The following DNAH11 variants were observed in gnomAD, a reference collection of about 807,000 sequenced individuals.
The protein encoded by DNAH11 is axonemal beta dynein heavy chain 11.
Under a neutral mutation model 526.0 loss-of-function variants are expected in DNAH11, and 442 were observed. The observed-to-expected ratio is 0.84, with a 90% CI of 0.78 to 0.91. The LOEUF is 0.91. Among genes scored for constraint, DNAH11 ranks in the 40% least tolerant of loss-of-function variants. The pLI, the probability that DNAH11 is intolerant of heterozygous loss-of-function variation, is 0.00. For missense variants in DNAH11, 6,989 were observed against 5,448.7 expected, an observed-to-expected ratio of 1.28 and a Z score of -8.90; for synonymous variants, 2,461 against 1,935.9, an observed-to-expected ratio of 1.27 and a Z score of -7.12.
chr7:21,758,317 C>T (rs17145274), intron 54 of DNAH11, among the ~76,000 whole-genome samples: 7,050 of 152,260 alleles, frequency 0.046, 349 homozygotes, highest in East Asian at 0.29. Context: ...GAGGTTTACC[C>T]TCTTTGAGAT....
chr7:21,858,804 A>G (rs1227926407), intron 68 of DNAH11, among the ~76,000 whole-genome samples: 1 of 152,178 alleles, frequency 6.6e-6, no homozygotes, highest in Non-Finnish European at 1.5e-5. Flanking sequence ...TGCTACGGTT[A>G]TTGTTAGAAT....
chr7:21,900,908 A>ACCAGAATG, intron 81 of DNAH11, 99 bp from the exon 82 acceptor site: 1 of 1,477,786 alleles, frequency 6.8e-7, no homozygotes, highest in Non-Finnish European at 9.0e-7. Context: ...ATATGACAAA[A>ACCAGAATG]CCAGAATGTT....
At position 21,705,495 on chromosome 7, in the gene DNAH11, C is replaced by T. The variant is rs752956143; in HGVS notation, c.6504C>T (p.His2168=). The part of the protein sequence containing the change: ...VQLEELLAVR[H]SVFVVGNAGT... ...TTGAGGAACTGTTGGCTGTGCGGCA[C>T]TCGGTCTTTGTAGTTGGAAATGCAG... Residue 2168 remains histidine, a synonymous_variant, in exon 39 of 82, where the codon CAC becomes CAT. Coordinates refer to ENST00000409508, the MANE Select transcript of DNAH11 (RefSeq NM_001277115.2). 1.2e-6 allele frequency: 2 copies of T among 1,613,702 alleles called. No homozygotes were observed. The highest frequency in any genetic ancestry group is 2.2e-5 in the East Asian group (1 of 44,874).
Position 21,590,954 on chromosome 7 carries a change from A to G in DNAH11, c.2206A>G (p.Met736Val). Residue 736 changes from methionine to valine, a missense_variant, in exon 13 of 82, where the codon ATG becomes GTG. Coordinates refer to ENST00000409508, the MANE Select transcript of DNAH11 (RefSeq NM_001277115.2). ...ATTGAGAGAAGTGAAATATCTTTTG[A>G]TGTTGAAGAAACAAGACATACCAGA... is the stretch of plus-strand genomic sequence containing the variant. ...AVLREVKYLL[M>V]LKKQDIPDSA... 1 of 1,509,550 alleles carries G rather than the reference A, an allele frequency of 6.6e-7. No homozygotes were observed. The highest frequency in any genetic ancestry group is 1.4e-5 in the African/African-American group (1 of 69,160). The allele number at this position is 1,509,550 out of a possible 1,614,324, so 93.5% of individuals were successfully genotyped here. A position where few individuals can be genotyped will look rare whatever the true frequency, so the allele number is the denominator to read the frequency against.
intron 35 of DNAH11, among the ~76,000 whole-genome samples, chr7:21,695,607 A>G (rs188885512): frequency 9.8e-5 from 15 of 152,360 alleles, no homozygotes; most frequent in African/African-American, 3.4e-4. Context: ...TGGCTTAAAG[A>G]CTTAAACATA....
rs766759197 is a variant in DNAH11 at position 21,606,543 on chromosome 7, G to T, written c.3765+1G>T. 1 of 1,602,826 alleles carries T rather than the reference G, an allele frequency of 6.2e-7. No homozygotes were observed. On this transcript the variant is annotated splice_donor_variant, in intron 19 of 81. Transcript: ENST00000409508. LOFTEE classifies it high-confidence loss of function. ...AAGGAAAAAATGTATTTTGTTTGAC[G>T]TAAGCTAGTTACCAAGTTTTTGTTT...
chr7:21,859,520 C>A (rs936367912), intron 68 of DNAH11, among the ~76,000 whole-genome samples: 1 of 152,130 alleles, frequency 6.6e-6, no homozygotes, highest in African/African-American at 2.4e-5. Flanking sequence ...ACACTTCTGG[C>A]CCCAAGCATT....
At chr7:21,748,460 G>T (rs893458787) in intron 51 of DNAH11, 120 bp from the exon 52 acceptor site, 170 of 1,162,692 alleles carry the variant, frequency 1.5e-4, no homozygotes, top group Non-Finnish European at 1.8e-4. Context: ...CTGCACTCCG[G>T]CCTGGGCAAC....
chr7:21,718,381 A>C, intron 43 of DNAH11, among the ~76,000 whole-genome samples: 1 of 152,216 alleles, frequency 6.6e-6, no homozygotes, highest in Middle Eastern at 3.2e-3. Flanking sequence ...TAATAAAACA[A>C]ATTTGTGCAA....
chr7:21,872,313 A>G (rs559390279), intron 73 of DNAH11, among the ~76,000 whole-genome samples: 10 of 152,184 alleles, frequency 6.6e-5, no homozygotes, highest in African/African-American at 1.2e-4. Context: ...CCAAGGGAAT[A>G]AAAGCCAATA....
rs538382170 is a variant in DNAH11, at chr7:21,728,545, C to T, written c.7440+2561C>T. On this transcript the variant is annotated intron_variant, in intron 45 of 81. Coordinates refer to ENST00000409508, the MANE Select transcript of DNAH11 (RefSeq NM_001277115.2). Reference sequence around the variant, plus strand: ...AAGTGCTAGGATTACAGGCATGAGCCGCCACGCCCGGCCTACCAACAGCCC... The same window carrying T: ...AAGTGCTAGGATTACAGGCATGAGCTGCCACGCCCGGCCTACCAACAGCCC... 7.4e-4 allele frequency among the ~76,000 whole-genome samples: 112 copies of T among 152,202 alleles called. 1 individual carries two copies. Among genetic ancestry groups the T allele is most frequent in the Non-Finnish European group, 1.4e-3 (94 of 68,018 alleles).
intron 18 of DNAH11, 41 bp downstream of exon 18, chr7:21,601,659 A>G: frequency 7.0e-7 from 1 of 1,422,292 alleles, no homozygotes; most frequent in East Asian, 2.4e-5. Context: ...CCATAAATTG[A>G]GCATCTCTTT....
At position 21,854,360 on chromosome 7, in the gene DNAH11, G is replaced by C. The variant is rs762297426; in HGVS notation, c.11107G>C (p.Glu3703Gln). The C allele has an allele frequency of 1.9e-4, 301 of 1,613,628 alleles. 1 individual carries two copies. The highest frequency in any genetic ancestry group is 1.6e-4 in the Middle Eastern group (1 of 6,084). The change falls in exon 68 of 82, where the codon GAA becomes CAA. Residue 3703 changes from glutamate (E) to glutamine (Q), a missense_variant. By Grantham distance (29) the Glu-to-Gln change is conservative (BLOSUM62 2). Coordinates refer to ENST00000409508, the MANE Select transcript of DNAH11 (RefSeq NM_001277115.2). Reference protein sequence around the residue: ...ENERKINEARECYRPVAARAS... With the variant: ...ENERKINEARQCYRPVAARAS... Reference sequence around the variant, plus strand: ...TGAAAGAAAAATCAACGAGGCCCGAGAATGTTACAGACCAGTGGCAGCAAG... The same window carrying C: ...TGAAAGAAAAATCAACGAGGCCCGACAATGTTACAGACCAGTGGCAGCAAG...
rs541810929 is a variant in DNAH11, at chr7:21,602,290, G to C, written c.3648+672G>C. 4.0e-4 allele frequency among the ~76,000 whole-genome samples: 61 copies of C among 152,226 alleles called. 1 individual carries two copies. Among genetic ancestry groups the C allele is most frequent in the Non-Finnish European group, 8.5e-4 (58 of 68,006 alleles). ...GGAGGTGAAGGTTGCAGTGAGCTGA[G>C]ATCACACCACTGCACTCTAGCATGG... On this transcript the variant is annotated intron_variant, in intron 18 of 81. Transcript: ENST00000409508.
At position 21,863,330 on chromosome 7, in the gene DNAH11, G is replaced by GT. The variant is rs1409052933; in HGVS notation, c.11374-1198dup. Among the ~76,000 whole-genome samples, 6 of 152,080 alleles carry GT rather than the reference G, an allele frequency of 3.9e-5. No homozygotes were observed. In the East Asian group the frequency reaches 5.8e-4, roughly 15 times the overall value. ...CAAGGCATTACACAATGAAATACTT[G>GT]TTTTTTTGTTTGTTTTGAGACGGAG... On this transcript the variant is annotated intron_variant, in intron 69 of 81. Transcript: ENST00000409508.
At position 21,901,465 on chromosome 7, in the gene DNAH11, C is replaced by G. The variant is rs376128616; in HGVS notation, c.*211C>G. 3.5e-6 allele frequency: 2 copies of G among 565,512 alleles called. No homozygotes were observed. Among genetic ancestry groups the G allele is most frequent in the Non-Finnish European group, 5.2e-6 (2 of 386,714 alleles). 35.0% of individuals were successfully genotyped at this position (565,512 alleles called of 1,614,324 possible). The stretch of plus-strand genomic sequence containing the variant: ...TGGCACACGACTGTAATCCCAGTTA[C>G]TCAGGAGGTAGGAGAATCACTTGAA... On this transcript the variant is annotated 3_prime_UTR_variant, in exon 82 of 82. Transcript: ENST00000409508.
chr7:21,639,425 G>C (rs955727660), intron 28 of DNAH11, among the ~76,000 whole-genome samples: 2 of 152,198 alleles, frequency 1.3e-5, no homozygotes, highest in African/African-American at 4.8e-5. Context: ...CTTGGAACAA[G>C]ATCATAGCTG....
intron 73 of DNAH11, among the ~76,000 whole-genome samples, chr7:21,871,218 A>G (rs1009800711): frequency 2.0e-5 from 3 of 152,230 alleles, no homozygotes; most frequent in African/African-American, 7.2e-5. Context: ...TTTATCTCAC[A>G]TGCACACCAG....
intron 54 of DNAH11, among the ~76,000 whole-genome samples, chr7:21,757,776 A>G (rs1294982549): frequency 6.6e-6 from 1 of 152,208 alleles, no homozygotes; most frequent in Non-Finnish European, 1.5e-5. Flanking sequence ...GTCAAGCACC[A>G]CTTGTATGCA....
Sources: gnomAD v4.1 joint callset for allele counts (sites outside exome capture counted in the v4.1 genomes callset) on GRCh38, gnomAD v4.1.1 for gene constraint, MANE v1.5 for transcripts, NCBI Gene and HGNC (gene_info 2026-07-23, HGNC 2026-07-21) for gene names.